The following PPP1R17 variants were observed in gnomAD, a reference collection of about 807,000 sequenced individuals.
The protein encoded by PPP1R17 is protein phosphatase 1 regulatory subunit 17.
In PPP1R17, 12 loss-of-function variants were observed where a neutral mutation model predicts 15.9. The observed-to-expected ratio is 0.75, with a 90% CI of 0.48 to 1.22. The LOEUF (loss-of-function observed/expected upper bound fraction) is 1.22, where lower values mean the gene tolerates loss of function less well. PPP1R17 is among the 50% of genes most tolerant of loss of function. PPP1R17 has a pLI of 0.00. For synonymous variants in PPP1R17, 63 were observed against 64.5 expected (o/e 0.98, Z 0.11); for missense variants, 211 against 187.3 (o/e 1.13, Z -0.74).
intron 4 of PPP1R17, among the ~76,000 whole-genome samples, chr7:31,701,595 G>A (rs1792849859): frequency 6.6e-6 from 1 of 152,192 alleles, no homozygotes; most frequent in Admixed American, 6.5e-5. Context: ...TCTGCTGTGA[G>A]TAAAATGCTC....
rs531315178 is a variant in PPP1R17, at chr7:31,700,698, C to G, written c.388+3581C>G. ...CAAAACTTCAAAGGACAGGCCAACTCTCTTGTTAGGGGATAATGCCCCGGT... is the reference window on the plus strand; with the variant it reads ...CAAAACTTCAAAGGACAGGCCAACTGTCTTGTTAGGGGATAATGCCCCGGT... On this transcript the variant is annotated intron_variant, in intron 4 of 4. Coordinates refer to ENST00000342032, the MANE Select transcript of PPP1R17 (RefSeq NM_006658.5). 4.7e-4 allele frequency among the ~76,000 whole-genome samples: 71 copies of G among 152,258 alleles called. 2 individuals are homozygous for G. Among genetic ancestry groups the G allele is most frequent in the Admixed American group, 2.9e-3 (45 of 15,294 alleles).
intron 2 of PPP1R17, 85 bp from the exon 3 acceptor site, chr7:31,695,384 C>G: frequency 7.9e-7 from 1 of 1,268,986 alleles, no homozygotes; most frequent in East Asian, 2.4e-5. Context: ...GTCCTGTCAT[C>G]AAGTGCAATT....
In PPP1R17 at chr7:31,687,249, G is replaced by T. The variant is rs1312101761; in HGVS notation, c.-94G>T. ...CGCAGAGGAGCCAGGCCCAGCCTCG[G>T]TGAGCACACACGCCCTCCCTGTCTC... is the stretch of plus-strand genomic sequence containing the variant. On this transcript the variant is annotated 5_prime_UTR_variant, in exon 1 of 5. Coordinates refer to ENST00000342032, the MANE Select transcript of PPP1R17 (RefSeq NM_006658.5). The T allele has an allele frequency of 6.6e-6, 1 of 152,584 alleles. No homozygotes were observed. Among genetic ancestry groups the T allele is most frequent in the East Asian group, 1.9e-4 (1 of 5,182 alleles). 9.5% of individuals were successfully genotyped at this position (152,584 alleles called of 1,614,324 possible). A position where few individuals can be genotyped will look rare whatever the true frequency, so the allele number is the denominator to read the frequency against.
intron 1 of PPP1R17, among the ~76,000 whole-genome samples, chr7:31,690,964 A>T (rs1792317487): frequency 6.6e-6 from 1 of 152,200 alleles, no homozygotes. Flanking sequence ...TTGGTTAAAT[A>T]GGTGCATAAG....
chr7:31,692,378 T>C, intron 1 of PPP1R17, 28 bp from the exon 2 acceptor site: 1 of 1,321,122 alleles, frequency 7.6e-7, no homozygotes, highest in Non-Finnish European at 1.1e-6. Context: ...AGAGCCATAC[T>C]TATTAACTGT....
At chr7:31,692,328 A>T in intron 1 of PPP1R17, 78 bp from the exon 2 acceptor site, 1 of 871,798 alleles carries the variant, frequency 1.1e-6, no homozygotes, top group Non-Finnish European at 1.8e-6. Flanking sequence ...GTGCTCAACA[A>T]ATATATTTAC....
Position 31,687,307 on chromosome 7 carries a change from G to T in PPP1R17, c.-37+1G>T, listed in dbSNP as rs1792140514. On this transcript the variant is annotated splice_donor_variant, in intron 1 of 4. Coordinates refer to ENST00000342032, the MANE Select transcript of PPP1R17 (RefSeq NM_006658.5). LOFTEE classifies it low-confidence loss of function (5UTR_SPLICE). Reference sequence around the variant, plus strand: ...CGCTTCCCTGCATCTGCGCTGATTGGTAAGTGCTTCAGATTTTTACTCCAA... The same window carrying T: ...CGCTTCCCTGCATCTGCGCTGATTGTTAAGTGCTTCAGATTTTTACTCCAA... 6.6e-6 allele frequency: 1 copy of T among 152,260 alleles called. No individual in the cohort carries two copies. The highest frequency in any genetic ancestry group is 1.5e-5 in the Non-Finnish European group (1 of 68,064). The allele number at this position is 152,260 out of a possible 1,614,324, so 9.4% of individuals were successfully genotyped here.
chr7:31,704,759 A>C (rs1209687043), intron 4 of PPP1R17, among the ~76,000 whole-genome samples: 1 of 152,160 alleles, frequency 6.6e-6, no homozygotes, highest in East Asian at 1.9e-4. Context: ...AGGTAGGTTA[A>C]GTGAGTGCTC....
intron 2 of PPP1R17, among the ~76,000 whole-genome samples, chr7:31,692,968 T>C (rs1792420519): frequency 6.6e-6 from 1 of 152,224 alleles, no homozygotes; most frequent in Non-Finnish European, 1.5e-5. Flanking sequence ...TGCTTTATTG[T>C]CAATCTGTTT....
intron 1 of PPP1R17, among the ~76,000 whole-genome samples, chr7:31,689,399 C>G (rs1792241903): frequency 6.6e-6 from 1 of 152,098 alleles, no homozygotes; most frequent in Admixed American, 6.5e-5. Context: ...AGAGCTGGTG[C>G]CTTAGAAAGT....
chr7:31,689,120 G>A (rs1046435898), intron 1 of PPP1R17, among the ~76,000 whole-genome samples: 12 of 152,284 alleles, frequency 7.9e-5, no homozygotes, highest in Non-Finnish European at 1.0e-4. Flanking sequence ...TCCACAGCAC[G>A]TTTGACTCCA....
At chr7:31,694,530 A>T (rs1401500787) in intron 2 of PPP1R17, among the ~76,000 whole-genome samples, 1 of 152,184 alleles carries the variant, frequency 6.6e-6, no homozygotes, top group East Asian at 1.9e-4. Flanking sequence ...TTGAACTCAG[A>T]TCAGCTTGAC....
chr7:31,694,926 C>G (rs144323079), intron 2 of PPP1R17, among the ~76,000 whole-genome samples: 96 of 152,220 alleles, frequency 6.3e-4, no homozygotes, highest in Non-Finnish European at 1.6e-4. Flanking sequence ...AGGAGGGTTA[C>G]AAAGCCAGGA....
At chr7:31,690,464 A>C (rs956036273) in intron 1 of PPP1R17, among the ~76,000 whole-genome samples, 3 of 152,242 alleles carry the variant, frequency 2.0e-5, no homozygotes, top group Non-Finnish European at 4.4e-5. Context: ...TAGCCTTTGC[A>C]AATTTTATTG....
chr7:31,693,324 C>T (rs766576763), intron 2 of PPP1R17, among the ~76,000 whole-genome samples: 1 of 152,194 alleles, frequency 6.6e-6, no homozygotes, highest in African/African-American at 2.4e-5. Context: ...GCAGGCAGTA[C>T]CCATTCAGAG....
At chr7:31,687,979 T>C (rs1792177056) in intron 1 of PPP1R17, among the ~76,000 whole-genome samples, 1 of 152,184 alleles carries the variant, frequency 6.6e-6, no homozygotes, top group African/African-American at 2.4e-5. Context: ...TAGAAATGGG[T>C]TGGTTTTTGT....
intron 3 of PPP1R17, among the ~76,000 whole-genome samples, chr7:31,696,356 T>C (rs183761288): frequency 8.5e-5 from 13 of 152,274 alleles, no homozygotes; most frequent in Admixed American, 8.5e-4. Context: ...CAGCACATAA[T>C]AGCTGAAATA....
chr7:31,701,835 G>A (rs182448487), intron 4 of PPP1R17, among the ~76,000 whole-genome samples: 120 of 152,334 alleles, frequency 7.9e-4, no homozygotes, highest in Admixed American at 2.7e-3. Flanking sequence ...ATTAAGCTAT[G>A]CTCATTATTT....
chr7:31,700,378 A>G (rs1792792313), intron 4 of PPP1R17, among the ~76,000 whole-genome samples: 2 of 152,156 alleles, frequency 1.3e-5, no homozygotes, highest in Admixed American at 1.3e-4. Flanking sequence ...TACTCTCTTC[A>G]GTTATATGAA....
Sources: allele counts gnomAD v4.1 joint callset (sites outside exome capture counted in the v4.1 genomes callset), GRCh38; gene constraint gnomAD v4.1.1; transcripts MANE v1.5; gene names NCBI Gene and HGNC (gene_info 2026-07-23, HGNC 2026-07-21).